Variants in DMC1 observed in about 807,000 individuals in gnomAD.
The protein encoded by DMC1 is DNA meiotic recombinase 1, also known as meiotic recombination protein DMC1 homolog.
In DMC1, 27 loss-of-function variants were observed where a neutral mutation model predicts 50.1. That is an observed-to-expected ratio of 0.54 (90% CI 0.40 to 0.74). DMC1 has a LOEUF of 0.74. Ranked by LOEUF, DMC1 falls within the 30% of genes least tolerant of loss-of-function variation. DMC1 has a pLI of 0.00. For synonymous variants in DMC1, 148 were observed against 136.1 expected, an observed-to-expected ratio of 1.09 and a Z score of -0.61; for missense variants, 295 against 420.2, an observed-to-expected ratio of 0.70 and a Z score of 2.60.
At chr22:38,537,397 A>G (rs2090226031) in intron 12 of DMC1, among the ~76,000 whole-genome samples, 195 bp downstream of exon 12, 1 of 152,008 alleles carries the variant, frequency 6.6e-6, no homozygotes, top group Non-Finnish European at 1.5e-5. Flanking sequence ...TATTTTTAGT[A>G]GAGACGGGGT....
chr22:38,568,451 TTGTGTG>T (rs11570378), intron 1 of DMC1, 162 bp from the exon 2 acceptor site: 150 of 591,784 alleles, frequency 2.5e-4, no homozygotes, highest in African/African-American at 1.9e-3. Context: ...ACATTATTTC[TTGTGTG>T]TGTGTGTGTG....
chr22:38,560,880 T>C (rs919925934), intron 5 of DMC1, among the ~76,000 whole-genome samples: 2 of 152,154 alleles, frequency 1.3e-5, no homozygotes, highest in Non-Finnish European at 2.9e-5. Flanking sequence ...TTTAAGCATA[T>C]ACTAAGCAAC....
intron 8 of DMC1, among the ~76,000 whole-genome samples, chr22:38,545,450 T>G (rs982185119): frequency 1.3e-5 from 2 of 151,390 alleles, no homozygotes; most frequent in Admixed American, 6.6e-5. Context: ...TGAGATGGAG[T>G]CTCGCTCTGT....
chr22:38,539,856 A>G (rs971991489), intron 8 of DMC1, among the ~76,000 whole-genome samples: 2 of 152,216 alleles, frequency 1.3e-5, no homozygotes, highest in Non-Finnish European at 2.9e-5. Context: ...TGTAATAGAT[A>G]ATATCACTGA....
chr22:38,543,391 G>A (rs1006489621), intron 8 of DMC1, among the ~76,000 whole-genome samples: 10 of 152,006 alleles, frequency 6.6e-5, no homozygotes, highest in South Asian at 4.2e-4. Flanking sequence ...CACCATGCCC[G>A]GCTAATTTTT....
chr22:38,534,828 C>T (rs2090192720), intron 12 of DMC1, among the ~76,000 whole-genome samples: 2 of 150,886 alleles, frequency 1.3e-5, no homozygotes, highest in Non-Finnish European at 2.9e-5. Flanking sequence ...GTGGTGAAAC[C>T]CTGTCTCTAC....
the DMC1 span, among the ~76,000 whole-genome samples, chr22:38,512,365 C>A: frequency 6.6e-6 from 1 of 152,038 alleles, no homozygotes; most frequent in Non-Finnish European, 1.5e-5. Flanking sequence ...AGACGGAAGT[C>A]AAAAATTAAG....
chr22:38,515,026 C>G (rs1465398296), downstream of DMC1, among the ~76,000 whole-genome samples: 1 of 150,244 alleles, frequency 6.7e-6, no homozygotes, highest in Non-Finnish European at 1.5e-5. Context: ...AGCCACCATG[C>G]CCGGCTAATT....
chr22:38,557,836 G>GTATTTGAACAT (rs1299265584), intron 5 of DMC1, among the ~76,000 whole-genome samples: 2 of 151,036 alleles, frequency 1.3e-5, no homozygotes, highest in East Asian at 3.9e-4. Flanking sequence ...TTTATAAATA[G>GTATTTGAACAT]TATTTGAACA....
At chr22:38,548,236 T>C (rs2090365491) in intron 8 of DMC1, among the ~76,000 whole-genome samples, 1 of 152,180 alleles carries the variant, frequency 6.6e-6, no homozygotes, top group Non-Finnish European at 1.5e-5. Flanking sequence ...AATTCAATAT[T>C]TCCCAGTGCC....
At chr22:38,552,855 TTA>T in intron 6 of DMC1, 148 bp from the exon 7 acceptor site, 2 of 641,294 alleles carry the variant, frequency 3.1e-6, no homozygotes, top group Admixed American at 2.8e-5. Context: ...ATGTTATTTT[TTA>T]TTTTTTTTTT....
At chr22:38,564,015 A>T (rs1484847966) in intron 4 of DMC1, among the ~76,000 whole-genome samples, 1 of 152,028 alleles carries the variant, frequency 6.6e-6, no homozygotes, top group African/African-American at 2.4e-5. Flanking sequence ...AAAAATTTTT[A>T]AAAATTAGCT....
chr22:38,516,162 G>A (rs2089975326), downstream of DMC1, among the ~76,000 whole-genome samples: 1 of 152,178 alleles, frequency 6.6e-6, no homozygotes, highest in African/African-American at 2.4e-5. Flanking sequence ...ATAATCTGCA[G>A]TTCTGTCCCA....
downstream of DMC1, among the ~76,000 whole-genome samples, chr22:38,518,167 T>TC (rs2089989397): frequency 6.6e-6 from 1 of 152,150 alleles, no homozygotes; most frequent in South Asian, 2.1e-4. Context: ...AGATGGGGTT[T>TC]CACTGTGTTG....
rs1054380589 is a variant in DMC1 at position 38,519,867 on chromosome 22, T to C, written c.*153A>G. ...TATAGTTATCATAAATCAGGGACTT[T>C]TAAGATAAATATAAGATTTAAATCT... On this transcript the variant is annotated 3_prime_UTR_variant, in exon 14 of 14. Coordinates refer to ENST00000216024, the MANE Select transcript of DMC1 (RefSeq NM_007068.4). 50 of 641,398 alleles carry C rather than the reference T, an allele frequency of 7.8e-5. No individual in the cohort carries two copies. The highest frequency in any genetic ancestry group is 1.3e-4 in the Non-Finnish European group (46 of 352,324). The allele number at this position is 641,398 out of a possible 1,614,324, so 39.7% of individuals were successfully genotyped here. A position where few individuals can be genotyped will look rare whatever the true frequency, so the allele number is the denominator to read the frequency against.
rs60295497 is a variant in DMC1, at chr22:38,550,930, C to CAAAA, written c.422-937_422-934dup. Among the ~76,000 whole-genome samples the CAAAA allele has an allele frequency of 3.1e-3, 180 of 57,204 alleles. 2 individuals carry two copies. The highest frequency in any genetic ancestry group is 8.0e-3 in the African/African-American group (97 of 12,158). 37.5% of individuals were successfully genotyped at this position (57,204 alleles called of 152,430 possible). A position where few individuals can be genotyped will look rare whatever the true frequency, so the allele number is the denominator to read the frequency against. On this transcript the variant is annotated intron_variant, in intron 7 of 13. Transcript: ENST00000216024. Reference sequence around the variant, plus strand: ...TGGGTGATAGATCAAGACTCCATCTCAAAAAAAAAAAAAAAAAAAGAAAGA... The same window carrying CAAAA: ...TGGGTGATAGATCAAGACTCCATCTCAAAAAAAAAAAAAAAAAAAAAAAGAAAGA...
chr22:38,536,996 G>A (rs541175020), intron 12 of DMC1, among the ~76,000 whole-genome samples: 1 of 151,892 alleles, frequency 6.6e-6, no homozygotes, highest in Non-Finnish European at 1.5e-5. Context: ...GATTACAGGT[G>A]CACGCCACCA....
chr22:38,568,355 A>T, intron 1 of DMC1, 66 bp from the exon 2 acceptor site: 1 of 1,202,630 alleles, frequency 8.3e-7, no homozygotes, highest in Non-Finnish European at 1.2e-6. Flanking sequence ...TTTCATTTCA[A>T]AGTCAACAAG....
At position 38,555,687 on chromosome 22, in the gene DMC1, A is replaced by G. The variant is rs1456028542; in HGVS notation, c.327-278T>C. 2.0e-5 allele frequency among the ~76,000 whole-genome samples: 3 copies of G among 152,134 alleles called. No homozygotes were observed. The East Asian group carries it at 5.8e-4, about 29-fold the overall frequency. On this transcript the variant is annotated intron_variant, in intron 5 of 13. Transcript: ENST00000216024. ...TCAATAGTAAATGGAACCTGGGAATACTGCATGCTGTAGGCTTAAAAAATA... is the reference window on the plus strand; with the variant it reads ...TCAATAGTAAATGGAACCTGGGAATGCTGCATGCTGTAGGCTTAAAAAATA...
Sources: allele counts gnomAD v4.1 joint callset (sites outside exome capture counted in the v4.1 genomes callset), GRCh38; gene constraint gnomAD v4.1.1; transcripts MANE v1.5; gene names NCBI Gene and HGNC (gene_info 2026-07-23, HGNC 2026-07-21).